Variants in PAK4 observed in about 807,000 individuals in gnomAD.
PAK4 encodes serine/threonine-protein kinase PAK 4.
A neutral mutation model predicts 53.5 loss-of-function variants in PAK4; 49 were observed. That is an observed-to-expected ratio of 0.92 (90% CI 0.73 to 1.16). The LOEUF (loss-of-function observed/expected upper bound fraction) is 1.16, where lower values mean the gene tolerates loss of function less well. Among genes scored for constraint, PAK4 ranks in the 50% most tolerant of loss-of-function variants. The probability of loss-of-function intolerance (pLI) is 0.00; values close to 1 mark genes in which losing one functional copy is unlikely to be tolerated. For missense variants in PAK4, 824 were observed against 850.7 expected (o/e 0.97, Z 0.39); for synonymous variants, 376 against 375.6 (o/e 1.00, Z -0.01).
intron 1 of PAK4, among the ~76,000 whole-genome samples, chr19:39,126,465 G>GGGGGGGA (rs2073583355): frequency 8.1e-6 from 1 of 122,702 alleles, no homozygotes; most frequent in African/African-American, 3.1e-5. Flanking sequence ...GGGGGGGCCG[G>GGGGGGGA]GTCAGAGATG....
rs1407933379 is a variant in PAK4 at position 39,161,962 on chromosome 19, A to G, written c.-22-7570A>G. On this transcript the variant is annotated intron_variant, in intron 1 of 8. Coordinates refer to ENST00000358301, the Ensembl canonical transcript of PAK4. This position sits in a 1 kb window ranked among gnomAD's most constrained non-coding sequence, Gnocchi z 4.5. ...ACCACTTTATTTTATAATAATAGTTATTATTATTATTTTGAGATGGAGTCT... is the reference window on the plus strand; with the variant it reads ...ACCACTTTATTTTATAATAATAGTTGTTATTATTATTTTGAGATGGAGTCT... Among the ~76,000 whole-genome samples, 1 of 151,626 alleles carries G rather than the reference A, an allele frequency of 6.6e-6. No homozygotes were observed. Among genetic ancestry groups the G allele is most frequent in the African/African-American group, 2.4e-5 (1 of 41,240 alleles).
intron 2 of PAK4, among the ~76,000 whole-genome samples, chr19:39,170,663 G>T (rs1027175831): frequency 6.6e-6 from 1 of 152,220 alleles, no homozygotes; most frequent in Non-Finnish European, 1.5e-5. Flanking sequence ...TGTGCCTGGG[G>T]ACTCACCCTC....
chr19:39,182,419 T>A (rs1490528132), downstream of PAK4: 1 of 152,224 alleles, frequency 6.6e-6, no homozygotes, highest in Admixed American at 6.5e-5. Context: ...TTCATTAGAT[T>A]TGCTGGGCTT....
In PAK4 at chr19:39,134,590, T is replaced by C. The variant is rs116300977; in HGVS notation, c.-23+8671T>C. 6.8e-3 allele frequency among the ~76,000 whole-genome samples: 1,038 copies of C among 151,896 alleles called. 27 individuals are homozygous for C. Among genetic ancestry groups the C allele is most frequent in the African/African-American group, 0.023 (961 of 41,196 alleles). ...TGTATCTGTAGTCATTCATCTTTGT[T>C]GCTGTATAATATTCTTTTTTTTTCT... On this transcript the variant is annotated intron_variant, in intron 1 of 8. Transcript: ENST00000358301.
In PAK4 at chr19:39,175,970, G is replaced by A. The variant is rs2074596714; in HGVS notation, c.1359+532G>A. On this transcript the variant is annotated intron_variant, in intron 6 of 8. Coordinates refer to ENST00000358301, the Ensembl canonical transcript of PAK4. This position sits in a 1 kb window ranked among gnomAD's most constrained non-coding sequence, Gnocchi z 4.7. ...CCATTAGTCCAGGCAGAGGCAGAGAGAGCTCTGTGTCACTGACAGTCTGAA... is the reference window on the plus strand; with the variant it reads ...CCATTAGTCCAGGCAGAGGCAGAGAAAGCTCTGTGTCACTGACAGTCTGAA... Among the ~76,000 whole-genome samples the A allele has an allele frequency of 6.6e-6, 1 of 152,242 alleles. No homozygotes were observed. The highest frequency in any genetic ancestry group is 1.5e-5 in the Non-Finnish European group (1 of 68,046).
rs147943405 is a variant in PAK4, at chr19:39,178,331, C to T, written c.1621-93C>T. On this transcript the variant is annotated intron_variant, in intron 8 of 8. Transcript: ENST00000358301. This position sits in a 1 kb window ranked among gnomAD's most constrained non-coding sequence, Gnocchi z 4.4. The stretch of plus-strand genomic sequence containing the variant: ...CCCTGCCCTCCTGCACAGTACATGC[C>T]GCCAGCCGACTTGGCAGAGGCGGAC... 1,847 of 1,411,972 alleles carry T rather than the reference C, an allele frequency of 1.3e-3. 28 individuals are homozygous for T. Among genetic ancestry groups the T allele is most frequent in the African/African-American group, 4.0e-3 (283 of 70,780 alleles). 87.5% of individuals were successfully genotyped at this position (1,411,972 alleles called of 1,614,324 possible).
rs558219950 is a variant in PAK4 at position 39,169,528 on chromosome 19, G to A, written c.-22-4G>A. ...CACTCACCCACCGTGATTCCCTCCC[G>A]CAGGCCGCACCGAGTCCCCGGCACC... On this transcript the variant is annotated splice_polypyrimidine_tract_variant and splice_region_variant and intron_variant, in intron 1 of 8. Transcript: ENST00000358301. 23 of 1,604,318 alleles carry A rather than the reference G, an allele frequency of 1.4e-5. No homozygotes were observed. The South Asian group carries it at 1.9e-4, about 13-fold the overall frequency.
intron 1 of PAK4, among the ~76,000 whole-genome samples, chr19:39,152,639 A>G (rs1306935719): frequency 1.3e-5 from 2 of 152,170 alleles, no homozygotes; most frequent in Admixed American, 6.5e-5. Context: ...TCACACCTCA[A>G]ACTGCGAAAG....
At chr19:39,143,328 C>G (rs918562470) in intron 1 of PAK4, among the ~76,000 whole-genome samples, 2 of 148,852 alleles carry the variant, frequency 1.3e-5, no homozygotes, top group Non-Finnish European at 3.0e-5. Context: ...TGGTGGCTCA[C>G]GCCTGTAATC....
chr19:39,144,419 G>A (rs1270927555), intron 1 of PAK4, among the ~76,000 whole-genome samples: 3 of 152,186 alleles, frequency 2.0e-5, no homozygotes, highest in Non-Finnish European at 1.5e-5. Flanking sequence ...TCTCCAGCAC[G>A]GGGCACCGAT....
chr19:39,149,599 G>GT (rs766941097), intron 1 of PAK4, among the ~76,000 whole-genome samples: 30 of 152,326 alleles, frequency 2.0e-4, no homozygotes, highest in Non-Finnish European at 3.4e-4. Context: ...GCTCACGCCT[G>GT]TAATCCCAGC....
Position 39,173,673 on chromosome 19 carries a change from G to A in PAK4, c.761G>A (p.Arg254Gln), listed in dbSNP as rs764392821. 2.8e-5 allele frequency: 44 copies of A among 1,580,924 alleles called. No homozygotes were observed. The highest frequency in any genetic ancestry group is 2.3e-4 in the African/African-American group (17 of 73,640). Reference sequence around the variant, plus strand: ...TCCTCCCGGCCTCCCACCCGAGCCCGAGGTGCCCCCAGCCCTGGAGTGCTG... The same window carrying A: ...TCCTCCCGGCCTCCCACCCGAGCCCAAGGTGCCCCCAGCCCTGGAGTGCTG... Residue 254 changes from arginine (R) to glutamine (Q), a missense_variant, in exon 4 of 9, where the codon CGA becomes CAA. Around this residue, in one of 2 missense-constraint regions of PAK4, gnomAD observed 478 missense variants for 435.8 expected, o/e 1.10. Coordinates refer to ENST00000358301, the Ensembl canonical transcript of PAK4. This position sits in a 1 kb window ranked among gnomAD's most constrained non-coding sequence, Gnocchi z 6.9.
chr19:39,139,122 C>G (rs572024812), intron 1 of PAK4, among the ~76,000 whole-genome samples: 3 of 152,328 alleles, frequency 2.0e-5, no homozygotes, highest in African/African-American at 4.8e-5. Context: ...TCCCTCCCCA[C>G]TTTCCTGCAG....
At position 39,175,474 on chromosome 19, in the gene PAK4, G is replaced by A. The variant is rs1248893396; in HGVS notation, c.1359+36G>A. On this transcript the variant is annotated intron_variant, in intron 6 of 8. Coordinates refer to ENST00000358301, the Ensembl canonical transcript of PAK4. This position sits in a 1 kb window ranked among gnomAD's most constrained non-coding sequence, Gnocchi z 4.7. ...GGGCGGCGGGGTACGGGGGCGGCAG[G>A]TTTCCGGCTGCGGGGCTTCCCTGCC... 3 of 1,571,958 alleles carry A rather than the reference G, an allele frequency of 1.9e-6. No individual in the cohort carries two copies. The highest frequency in any genetic ancestry group is 2.3e-5 in the East Asian group (1 of 43,744).
chr19:39,171,507 G>A lies in PAK4; in HGVS notation c.205-1411G>A, dbSNP rs1273394645. On this transcript the variant is annotated intron_variant, in intron 2 of 8. Coordinates refer to ENST00000358301, the Ensembl canonical transcript of PAK4. ...GTGAGCCACTGCTTCTTGCCTCAAC[G>A]CCCTGTTCTAACAGCAAAGTCTGGC... Among the ~76,000 whole-genome samples, 7 of 152,174 alleles carry A rather than the reference G, an allele frequency of 4.6e-5. No homozygotes were observed. In the South Asian group the frequency reaches 8.3e-4, roughly 18 times the overall value.
chr19:39,179,092 C>G (rs1446052998), exon 9 of PAK4: 1 of 152,634 alleles, frequency 6.6e-6, no homozygotes, highest in Non-Finnish European at 1.5e-5. Flanking sequence ...GAAGAGTGGC[C>G]TTTTCCCGTA....
chr19:39,151,534 C>G (rs1434420011), intron 1 of PAK4, among the ~76,000 whole-genome samples: 1 of 152,210 alleles, frequency 6.6e-6, no homozygotes, highest in Non-Finnish European at 1.5e-5. Flanking sequence ...TGTTGCCGCA[C>G]CATTTATAAG....
chr19:39,177,660 C>G lies in PAK4; in HGVS notation c.1486-15C>G. On this transcript the variant is annotated splice_polypyrimidine_tract_variant and intron_variant, in intron 7 of 8. Coordinates refer to ENST00000358301, the Ensembl canonical transcript of PAK4. ...CCCCAACAGCTCAGCCCTGCTGTCC[C>G]TTCTCCCGCCCCAGGTAGACATCTG... The G allele has an allele frequency of 1.9e-6, 3 of 1,608,538 alleles. No individual in the cohort carries two copies. Among genetic ancestry groups the G allele is most frequent in the South Asian group, 1.1e-5 (1 of 90,486 alleles).
rs1403483233 is a variant in PAK4, at chr19:39,161,719, C to A, written c.-22-7813C>A. Among the ~76,000 whole-genome samples, 1 of 151,906 alleles carries A rather than the reference C, an allele frequency of 6.6e-6. No individual in the cohort carries two copies. The highest frequency in any genetic ancestry group is 1.5e-5 in the Non-Finnish European group (1 of 67,970). ...CCCCCAAAGCCCCACACGATCTGCCCCATTACCTCCTTGGCCTGTCCTTCC... is the reference window on the plus strand; with the variant it reads ...CCCCCAAAGCCCCACACGATCTGCCACATTACCTCCTTGGCCTGTCCTTCC... On this transcript the variant is annotated intron_variant, in intron 1 of 8. Coordinates refer to ENST00000358301, the Ensembl canonical transcript of PAK4. The surrounding 1 kb of genome is among the most constrained non-coding windows in gnomAD (Gnocchi z 4.5).
Sources: allele counts gnomAD v4.1 joint callset (sites outside exome capture counted in the v4.1 genomes callset), GRCh38; gene constraint gnomAD v4.1.1; regional missense constraint gnomAD v4.1.1; non-coding constraint Gnocchi (gnomAD v3.1); transcripts MANE v1.5; gene names NCBI Gene and HGNC (gene_info 2026-07-23, HGNC 2026-07-21).